The following CLIP1 variants were observed in gnomAD, a reference collection of about 807,000 sequenced individuals.
The protein encoded by CLIP1 is CAP-Gly domain-containing linker protein 1.
CLIP1 carries 66 observed loss-of-function variants against 161.6 expected under a neutral mutation model. The observed-to-expected ratio is 0.41, with a 90% confidence interval of 0.33 to 0.50. The LOEUF is 0.50. Among genes scored for constraint, CLIP1 ranks in the 20% least tolerant of loss-of-function variants. The pLI is 0.27. For missense variants in CLIP1, 1,376 were observed against 1,702.0 expected (o/e 0.81, Z 3.37); for synonymous variants, 598 against 626.2 (o/e 0.96, Z 0.67).
intron 20 of CLIP1, among the ~76,000 whole-genome samples, chr12:122,304,744 C>A (rs576407850): frequency 3.0e-4 from 45 of 152,312 alleles, no homozygotes; most frequent in African/African-American, 1.1e-3. Flanking sequence ...TACAGAAAAA[C>A]TGTGTTCATA....
chr12:122,356,691 G>A (rs1394347825), intron 5 of CLIP1, among the ~76,000 whole-genome samples: 4 of 151,998 alleles, frequency 2.6e-5, no homozygotes, highest in African/African-American at 7.3e-5. Context: ...ATGCCGAGCC[G>A]AAGCTGGACT....
At position 122,382,032 on chromosome 12, in the gene CLIP1, C is replaced by T. The variant is rs1472762660; in HGVS notation, c.-106-1474G>A. On this transcript the variant is annotated intron_variant, in intron 1 of 25. Transcript: ENST00000620786. The stretch of plus-strand genomic sequence containing the variant: ...TTGAGGTCAGGAGTCCAAGGCCAGC[C>T]TGGTGAACCTGGTGAAACCTCGTCT... Among the ~76,000 whole-genome samples, 4 of 152,148 alleles carry T rather than the reference C, an allele frequency of 2.6e-5. No homozygotes were observed. The East Asian group carries it at 7.7e-4, about 29-fold the overall frequency.
intron 10 of CLIP1, chr12:122,343,652 C>G (rs1395432091): frequency 1.3e-5 from 2 of 151,030 alleles, no homozygotes; most frequent in East Asian, 1.9e-4. Flanking sequence ...CTACCTATTC[C>G]CATGTACTTC....
chr12:122,383,553 C>A lies in CLIP1; in HGVS notation c.-106-2995G>T, dbSNP rs149607143. Among the ~76,000 whole-genome samples, 16 of 152,278 alleles carry A rather than the reference C, an allele frequency of 1.1e-4. No homozygotes were observed. In the East Asian group the frequency reaches 3.1e-3, roughly 29 times the overall value. On this transcript the variant is annotated intron_variant, in intron 1 of 25. Coordinates refer to ENST00000620786, the MANE Select transcript of CLIP1 (RefSeq NM_001247997.2). Reference sequence around the variant, plus strand: ...TCCATCTGTGTTCCTTGAATCCTAACGCGGAGAACTGTGACCAAGGTTTAA... The same window carrying A: ...TCCATCTGTGTTCCTTGAATCCTAAAGCGGAGAACTGTGACCAAGGTTTAA...
At chr12:122,402,907 ATTT>A (rs1956190919) in intron 1 of CLIP1, among the ~76,000 whole-genome samples, 1 of 152,166 alleles carries the variant, frequency 6.6e-6, no homozygotes, top group African/African-American at 2.4e-5. Context: ...TCCAGAGTGT[ATTT>A]TATACTTACA....
intron 17 of CLIP1, among the ~76,000 whole-genome samples, chr12:122,327,203 T>C (rs1410154676): frequency 6.6e-6 from 1 of 152,026 alleles, no homozygotes; most frequent in Non-Finnish European, 1.5e-5. Flanking sequence ...CCCAACACTT[T>C]AAGAGGCCAA....
intron 17 of CLIP1, among the ~76,000 whole-genome samples, chr12:122,321,641 C>T (rs978519946): frequency 1.3e-5 from 2 of 152,118 alleles, no homozygotes; most frequent in South Asian, 2.1e-4. Context: ...ATCTCAGCCT[C>T]CTGAGCAGCT....
intron 10 of CLIP1, among the ~76,000 whole-genome samples, chr12:122,347,021 T>C (rs984925193): frequency 1.3e-5 from 2 of 152,196 alleles, no homozygotes; most frequent in Non-Finnish European, 2.9e-5. Context: ...TAACTAGATA[T>C]TTGAGAACAA....
intron 21 of CLIP1, among the ~76,000 whole-genome samples, chr12:122,286,532 A>T (rs1955861629): frequency 7.1e-6 from 1 of 140,954 alleles, no homozygotes; most frequent in African/African-American, 2.8e-5. Flanking sequence ...AAAAAAAAAA[A>T]AAAAAAAAAA....
rs183234479 is a variant in CLIP1 at position 122,381,665 on chromosome 12, A to G, written c.-106-1107T>C. On this transcript the variant is annotated intron_variant, in intron 1 of 25. Coordinates refer to ENST00000620786, the MANE Select transcript of CLIP1 (RefSeq NM_001247997.2). ...ATTTTTCTCTGCGAGCAGAGCTTGG[A>G]TGATGAAGCACAGACCTCACTTTCT... Among the ~76,000 whole-genome samples the G allele has an allele frequency of 5.5e-3, 839 of 152,334 alleles. 5 individuals are homozygous for G. The highest frequency in any genetic ancestry group is 0.017 in the Admixed American group (262 of 15,284).
At chr12:122,390,289 T>TATAC (rs1225744756) in intron 1 of CLIP1, among the ~76,000 whole-genome samples, 2 of 132,098 alleles carry the variant, frequency 1.5e-5, no homozygotes, top group African/African-American at 5.7e-5. Flanking sequence ...CATATATATA[T>TATAC]ATATATATAT....
At chr12:122,389,342 A>C (rs1162675756) in intron 1 of CLIP1, among the ~76,000 whole-genome samples, 1 of 152,252 alleles carries the variant, frequency 6.6e-6, no homozygotes, top group Non-Finnish European at 1.5e-5. Context: ...GAATGAGAAA[A>C]ATAGTCTGAA....
chr12:122,293,916 T>G lies in CLIP1; in HGVS notation c.3595-5375A>C, dbSNP rs189649244. ...GCCTCCCAGGTTCACACCATTCTCC[T>G]GCCTCAGCCTCCCGGAGAATTTCTT... On this transcript the variant is annotated intron_variant, in intron 20 of 25. Coordinates refer to ENST00000620786, the MANE Select transcript of CLIP1 (RefSeq NM_001247997.2). Among the ~76,000 whole-genome samples the G allele has an allele frequency of 4.2e-3, 635 of 151,386 alleles. 1 individual carries two copies. Among genetic ancestry groups the G allele is most frequent in the African/African-American group, 0.015 (603 of 41,222 alleles).
intron 4 of CLIP1, 98 bp from the exon 5 acceptor site, chr12:122,361,279 A>T: frequency 1.0e-6 from 1 of 991,318 alleles, no homozygotes. Flanking sequence ...TTACGGTTGG[A>T]TTCCTGGAAA....
chr12:122,364,635 G>C, intron 3 of CLIP1: 1 of 399,900 alleles, frequency 2.5e-6, no homozygotes, highest in South Asian at 2.0e-5. Context: ...GAACTCCTGG[G>C]CTCAAGTGAT....
chr12:122,360,177 C>G (rs1290892060), intron 5 of CLIP1, among the ~76,000 whole-genome samples: 1 of 151,880 alleles, frequency 6.6e-6, no homozygotes, highest in African/African-American at 2.4e-5. Flanking sequence ...AGGGACACTT[C>G]ACACACTAAC....
intron 1 of CLIP1, among the ~76,000 whole-genome samples, chr12:122,387,188 A>G (rs1955314091): frequency 1.3e-5 from 2 of 152,196 alleles, no homozygotes; most frequent in South Asian, 2.1e-4. Context: ...CACCGTGCCC[A>G]GCCTCTGACT....
chr12:122,407,829 T>C (rs1468653884), intron 1 of CLIP1, among the ~76,000 whole-genome samples: 1 of 149,810 alleles, frequency 6.7e-6, no homozygotes, highest in Non-Finnish European at 1.5e-5. Flanking sequence ...TATTGTTGCC[T>C]GCCCCTTAAA....
intron 1 of CLIP1, among the ~76,000 whole-genome samples, chr12:122,398,288 T>C (rs1956004397): frequency 6.7e-6 from 1 of 148,570 alleles, no homozygotes; most frequent in Admixed American, 6.8e-5. Context: ...AATTAGCTGG[T>C]CGTGGTGGCA....
Sources: gnomAD v4.1 joint callset for allele counts (sites outside exome capture counted in the v4.1 genomes callset) on GRCh38, gnomAD v4.1.1 for gene constraint, MANE v1.5 for transcripts, NCBI Gene and HGNC (gene_info 2026-07-23, HGNC 2026-07-21) for gene names.